The following CHSY1 variants were observed in gnomAD, a reference collection of about 807,000 sequenced individuals.
The protein encoded by CHSY1 is N-acetylgalactosaminyl-proteoglycan 3-beta-glucuronosyltransferase 1.
Under a neutral mutation model 59.8 loss-of-function variants are expected in CHSY1, and 13 were observed. The ratio of observed to expected loss-of-function variants is 0.22; its 90% CI spans 0.14 to 0.35. CHSY1 has a LOEUF of 0.35. Among genes scored for constraint, CHSY1 ranks in the 10% least tolerant of loss-of-function variants. The pLI, the probability that CHSY1 is intolerant of heterozygous loss-of-function variation, is 1.00. For missense variants in CHSY1, 947 were observed against 1,030.6 expected (o/e 0.92, Z 1.11); for synonymous variants, 459 against 401.2 (o/e 1.14, Z -1.72).
chr15:101,183,027 C>T (rs565402214), intron 2 of CHSY1, among the ~76,000 whole-genome samples: 97 of 152,074 alleles, frequency 6.4e-4, no homozygotes, highest in African/African-American at 2.3e-3. Flanking sequence ...GCAACCAAAA[C>T]AGAATGTGAT....
At chr15:101,184,059 C>G (rs1271251038) in intron 2 of CHSY1, among the ~76,000 whole-genome samples, 3 of 152,204 alleles carry the variant, frequency 2.0e-5, no homozygotes, top group Non-Finnish European at 4.4e-5. Context: ...CACTTTATTC[C>G]TGGCCGTCCA....
intron 1 of CHSY1, among the ~76,000 whole-genome samples, chr15:101,248,823 G>GC (rs1182758739): frequency 1.3e-5 from 2 of 152,012 alleles, no homozygotes; most frequent in African/African-American, 4.8e-5. Flanking sequence ...GTCTTGCTCT[G>GC]CCCCCCAGGA....
At chr15:101,182,001 G>A (rs1477438331) in intron 2 of CHSY1, among the ~76,000 whole-genome samples, 1 of 152,176 alleles carries the variant, frequency 6.6e-6, no homozygotes, top group Non-Finnish European at 1.5e-5. Context: ...TGGCATGGAA[G>A]GAAGAGTAAA....
intron 2 of CHSY1, among the ~76,000 whole-genome samples, chr15:101,183,078 CAA>C (rs1172810384): frequency 1.3e-5 from 2 of 151,998 alleles, no homozygotes; most frequent in African/African-American, 4.8e-5. Flanking sequence ...AAACCAAACA[CAA>C]GACAGCAAAA....
chr15:101,217,766 C>T (rs543555638), intron 2 of CHSY1, among the ~76,000 whole-genome samples: 1 of 152,284 alleles, frequency 6.6e-6, no homozygotes, highest in East Asian at 1.9e-4. Flanking sequence ...GAAGAACAGA[C>T]AAATTTCCCT....
intron 2 of CHSY1, among the ~76,000 whole-genome samples, chr15:101,222,486 T>G (rs957465745): frequency 6.6e-6 from 1 of 152,244 alleles, no homozygotes; most frequent in African/African-American, 2.4e-5. Flanking sequence ...ATGTATACAC[T>G]ATTACCTAGA....
At chr15:101,237,431 G>A (rs975622529) in intron 1 of CHSY1, among the ~76,000 whole-genome samples, 1 of 152,122 alleles carries the variant, frequency 6.6e-6, no homozygotes, top group Non-Finnish European at 1.5e-5. Flanking sequence ...GAAGACCACT[G>A]AGTAAACTAC....
At chr15:101,229,570 C>T (rs1439590830) in intron 2 of CHSY1, among the ~76,000 whole-genome samples, 1 of 152,050 alleles carries the variant, frequency 6.6e-6, no homozygotes, top group African/African-American at 2.4e-5. Flanking sequence ...AGGAGAAAAA[C>T]CTGACAGAAC....
At chr15:101,219,638 C>G (rs1194620652) in intron 2 of CHSY1, among the ~76,000 whole-genome samples, 1 of 152,138 alleles carries the variant, frequency 6.6e-6, no homozygotes, top group Non-Finnish European at 1.5e-5. Context: ...ATCTGTGGTC[C>G]ACTGGTTCTC....
chr15:101,246,678 T>C (rs1462718671), intron 1 of CHSY1, among the ~76,000 whole-genome samples: 1 of 152,132 alleles, frequency 6.6e-6, no homozygotes, highest in East Asian at 1.9e-4. Flanking sequence ...TGCGACCACA[T>C]ACTATTTGGG....
chr15:101,232,473 T>C lies in CHSY1; in HGVS notation c.816+2609A>G, dbSNP rs114735703. Among the ~76,000 whole-genome samples the C allele has an allele frequency of 6.1e-3, 935 of 152,296 alleles. 8 individuals are homozygous for C. The highest frequency in any genetic ancestry group is 0.044 in the East Asian group (228 of 5,186). On this transcript the variant is annotated intron_variant, in intron 2 of 2. Coordinates refer to ENST00000254190, the MANE Select transcript of CHSY1 (RefSeq NM_014918.5). ...TCTAATAAGATGGCAAGTGTTCCAA[T>C]AGATGAATTCTTAACATTATAATGA...
chr15:101,184,323 T>C (rs192054179), intron 2 of CHSY1, among the ~76,000 whole-genome samples: 1 of 152,178 alleles, frequency 6.6e-6, no homozygotes, highest in Admixed American at 6.5e-5. Context: ...TGAAAGTTGC[T>C]GTAAGTACCT....
chr15:101,177,571 T>C lies in CHSY1; in HGVS notation c.2226A>G (p.Val742=). 6.2e-7 allele frequency: 1 copy of C among 1,614,170 alleles called. No homozygotes were observed. The highest frequency in any genetic ancestry group is 8.5e-7 in the Non-Finnish European group (1 of 1,180,008). Residue 742 remains valine (V), a synonymous_variant, in exon 3 of 3, where the codon GTA becomes GTG. Transcript: ENST00000254190. The stretch of plus-strand genomic sequence containing the variant: ...AAAAGACAGGATGGTGGACGTGGAC[T>C]ACTCCTACTTCCTGGCTCCTAAACG... ...LKTFRSQEVG[V]VHVHHPVFCD...
At chr15:101,246,277 G>T (rs1273902790) in intron 1 of CHSY1, among the ~76,000 whole-genome samples, 1 of 150,278 alleles carries the variant, frequency 6.7e-6, no homozygotes, top group Non-Finnish European at 1.5e-5. Flanking sequence ...GAGAGGGTAA[G>T]AACCAAAACA....
chr15:101,243,484 G>A (rs1193300510), intron 1 of CHSY1, among the ~76,000 whole-genome samples: 1 of 152,104 alleles, frequency 6.6e-6, no homozygotes, highest in Non-Finnish European at 1.5e-5. Flanking sequence ...CTGAGGCACC[G>A]TCCTCTATAA....
chr15:101,178,240 G>C lies in CHSY1; in HGVS notation c.1557C>G (p.Leu519=), dbSNP rs757609213. The C allele has an allele frequency of 1.2e-6, 2 of 1,614,066 alleles. No homozygotes were observed. Among genetic ancestry groups the C allele is most frequent in the East Asian group, 2.2e-5 (1 of 44,902 alleles). Residue 519 remains leucine, a synonymous_variant, in exon 3 of 3, where the codon CTC becomes CTG. Transcript: ENST00000254190. Reference sequence around the variant, plus strand: ...CTTTGTGCTCACTCTTCGACCCAGGGAGCTGAAAGGGGACGAGCTTCTTCA... The same window carrying C: ...CTTTGTGCTCACTCTTCGACCCAGGCAGCTGAAAGGGGACGAGCTTCTTCA... ...NSLKKLVPFQ[L]PGSKSEHKEP... is the part of the protein sequence containing the mutation.
intron 2 of CHSY1, among the ~76,000 whole-genome samples, chr15:101,217,259 T>A (rs1408064235): frequency 6.6e-6 from 1 of 152,188 alleles, no homozygotes; most frequent in Non-Finnish European, 1.5e-5. Flanking sequence ...CACATGGTAA[T>A]AATCAGAGCT....
In CHSY1 at chr15:101,235,716, G is replaced by A. The variant is rs558859573; in HGVS notation, c.321-139C>T. 1.5e-3 allele frequency: 1,285 copies of A among 853,084 alleles called. 2 individuals carry two copies. Among genetic ancestry groups the A allele is most frequent in the Non-Finnish European group, 2.1e-3 (1,161 of 541,626 alleles). 52.8% of individuals were successfully genotyped at this position (853,084 alleles called of 1,614,324 possible). A position where few individuals can be genotyped will look rare whatever the true frequency, so the allele number is the denominator to read the frequency against. On this transcript the variant is annotated intron_variant, in intron 1 of 2. Transcript: ENST00000254190. Reference sequence around the variant, plus strand: ...CTTGGCCTGCTTGGTTCCTCTTAACGAAAGCCCAGGTTACCGCGTATTGCA... The same window carrying A: ...CTTGGCCTGCTTGGTTCCTCTTAACAAAAGCCCAGGTTACCGCGTATTGCA...
intron 2 of CHSY1, among the ~76,000 whole-genome samples, chr15:101,181,591 C>T (rs2038279044): frequency 6.6e-6 from 1 of 152,200 alleles, no homozygotes. Flanking sequence ...CCTTCTCTCT[C>T]CAGCCCCACT....
Sources: allele counts gnomAD v4.1 joint callset (sites outside exome capture counted in the v4.1 genomes callset), GRCh38; gene constraint gnomAD v4.1.1; transcripts MANE v1.5; gene names NCBI Gene and HGNC (gene_info 2026-07-23, HGNC 2026-07-21).